CAPN1: variants seen among roughly 807,000 people sequenced by gnomAD.
The protein encoded by CAPN1 is calpain 1.
Under a neutral mutation model 105.2 loss-of-function variants are expected in CAPN1, and 77 were observed. That is an observed-to-expected ratio of 0.73 (90% CI 0.61 to 0.88). The LOEUF is 0.88. CAPN1 is among the 40% of genes least tolerant of loss of function. The pLI, the probability that CAPN1 is intolerant of heterozygous loss-of-function variation, is 0.00. For missense variants in CAPN1, 833 were observed against 976.6 expected, an observed-to-expected ratio of 0.85 and a Z score of 1.96; for synonymous variants, 355 against 388.8, an observed-to-expected ratio of 0.91 and a Z score of 1.02.
At chr11:65,190,310 C>T (rs11606079) in intron 10 of CAPN1, among the ~76,000 whole-genome samples, 58,501 of 152,066 alleles carry the variant, frequency 0.38, 12,329 homozygotes, top group Middle Eastern at 0.49. Context: ...GCTGCTAAAA[C>T]CACCCTCTCA....
At chr11:65,200,388 A>G (rs1215317643) in intron 10 of CAPN1, among the ~76,000 whole-genome samples, 1 of 151,720 alleles carries the variant, frequency 6.6e-6, no homozygotes, top group East Asian at 1.9e-4. Context: ...TCTGTCGCCC[A>G]GGCTGGAGTG....
At chr11:65,205,900 C>T (rs1948949646) in intron 12 of CAPN1, 179 bp downstream of exon 12, 1 of 640,976 alleles carries the variant, frequency 1.6e-6, no homozygotes, top group Non-Finnish European at 2.8e-6. Flanking sequence ...TCCTGAGGGT[C>T]AGCACAGGTA....
chr11:65,191,489 G>A (rs970126530), intron 10 of CAPN1, among the ~76,000 whole-genome samples: 4 of 152,088 alleles, frequency 2.6e-5, no homozygotes, highest in East Asian at 1.9e-4. Context: ...AGTGATTCTC[G>A]TGCCTCAGCT....
chr11:65,183,698 C>T, intron 4 of CAPN1, 106 bp downstream of exon 4: 1 of 739,670 alleles, frequency 1.4e-6, no homozygotes, highest in Non-Finnish European at 2.3e-6. Flanking sequence ...CCAGCCCTCC[C>T]TCTAGCAGGT....
At chr11:65,192,722 C>T (rs1239534878) in intron 10 of CAPN1, among the ~76,000 whole-genome samples, 1 of 151,806 alleles carries the variant, frequency 6.6e-6, no homozygotes, top group Admixed American at 6.6e-5. Flanking sequence ...AATCCTGCCT[C>T]AGCCTCCTGA....
intron 12 of CAPN1, 102 bp from the exon 13 acceptor site, chr11:65,206,361 C>A: frequency 2.3e-6 from 2 of 879,070 alleles, no homozygotes; most frequent in Admixed American, 1.8e-5. Flanking sequence ...GCTCTCCAGC[C>A]CCTTGGCCAG....
chr11:65,185,054 A>G (rs2137314722), intron 4 of CAPN1, among the ~76,000 whole-genome samples: 1 of 152,186 alleles, frequency 6.6e-6, no homozygotes, highest in East Asian at 1.9e-4. Flanking sequence ...TATACATTGT[A>G]CAGGCAAAGG....
In CAPN1 at chr11:65,211,410, C is replaced by T. The variant is rs749039561; in HGVS notation, c.*124C>T. 5.1e-5 allele frequency: 44 copies of T among 861,890 alleles called. No homozygotes were observed. The highest frequency in any genetic ancestry group is 7.4e-5 in the Non-Finnish European group (39 of 529,628). 53.4% of individuals were successfully genotyped at this position (861,890 alleles called of 1,614,324 possible). A position where few individuals can be genotyped will look rare whatever the true frequency, so the allele number is the denominator to read the frequency against. ...CTTCCTTGGAGCAGAGAGGCAGCCTCGTCCTCCTGTCCCCTCTCCTCCCAG... is the reference window on the plus strand; with the variant it reads ...CTTCCTTGGAGCAGAGAGGCAGCCTTGTCCTCCTGTCCCCTCTCCTCCCAG... On this transcript the variant is annotated 3_prime_UTR_variant, in exon 22 of 22. Coordinates refer to ENST00000279247, the MANE Select transcript of CAPN1 (RefSeq NM_005186.4).
Position 65,182,725 on chromosome 11 carries a change from G to A in CAPN1, c.24G>A (p.Pro8=), listed in dbSNP as rs763840544. The A allele has an allele frequency of 1.6e-5, 25 of 1,579,000 alleles. No individual in the cohort carries two copies. Among genetic ancestry groups the A allele is most frequent in the Middle Eastern group, 3.4e-4 (2 of 5,958 alleles). MSEEIIT[P]VYCTGVSAQV... ...GGATGTCGGAGGAGATCATCACGCC[G>A]GTGTACTGCACTGGGGTGTCAGCCC... The change falls in exon 2 of 22, where the codon CCG becomes CCA. Residue 8 remains proline, a synonymous_variant. Coordinates refer to ENST00000279247, the MANE Select transcript of CAPN1 (RefSeq NM_005186.4).
chr11:65,191,420 ATCTG>A (rs1480665789), intron 10 of CAPN1, among the ~76,000 whole-genome samples: 1 of 152,114 alleles, frequency 6.6e-6, no homozygotes, highest in Non-Finnish European at 1.5e-5. Context: ...TTACTGATTC[ATCTG>A]TATGTATTTT....
At chr11:65,182,577 G>A in intron 1 of CAPN1, 124 bp from the exon 2 acceptor site, 2 of 1,052,238 alleles carry the variant, frequency 1.9e-6, no homozygotes, top group Non-Finnish European at 2.6e-6. Flanking sequence ...GGGGAGCAGT[G>A]AGGCAGGGAA....
chr11:65,195,801 A>T (rs1948786023), intron 10 of CAPN1, among the ~76,000 whole-genome samples: 1 of 152,088 alleles, frequency 6.6e-6, no homozygotes, highest in Non-Finnish European at 1.5e-5. Flanking sequence ...GAGTTTGAGG[A>T]TTGGTGTTAA....
Position 65,209,218 on chromosome 11 carries a change from C to A in CAPN1, c.1730-105C>A. 1.2e-6 allele frequency: 1 copy of A among 800,268 alleles called. No homozygotes were observed. The highest frequency in any genetic ancestry group is 2.2e-6 in the Non-Finnish European group (1 of 463,446). The allele number at this position is 800,268 out of a possible 1,614,324, so 49.6% of individuals were successfully genotyped here. On this transcript the variant is annotated intron_variant, in intron 16 of 21. Transcript: ENST00000279247. The surrounding 1 kb of genome is among the most constrained non-coding windows in gnomAD (Gnocchi z 4.1). Reference sequence around the variant, plus strand: ...TCCTCTGCCAGATATTGCACCCACTCGTCAGGATTTGTGCGTCCTTGACTC... The same window carrying A: ...TCCTCTGCCAGATATTGCACCCACTAGTCAGGATTTGTGCGTCCTTGACTC...
chr11:65,208,843 C>T lies in CAPN1; in HGVS notation c.1730-480C>T, dbSNP rs189582479. ...AAGTCTACCTTTCCTCCCAGAGCCT[C>T]CTGGGCCAGGCTGAGTGGCTTGGGG... is the stretch of plus-strand genomic sequence containing the variant. On this transcript the variant is annotated intron_variant, in intron 16 of 21. Transcript: ENST00000279247. This position sits in a 1 kb window ranked among gnomAD's most constrained non-coding sequence, Gnocchi z 4.1. 20 of 224,924 alleles carry T rather than the reference C, an allele frequency of 8.9e-5. No homozygotes were observed. In the East Asian group the frequency reaches 2.0e-3, roughly 22 times the overall value. 13.9% of individuals were successfully genotyped at this position (224,924 alleles called of 1,614,324 possible). A position where few individuals can be genotyped will look rare whatever the true frequency, so the allele number is the denominator to read the frequency against.
intron 10 of CAPN1, among the ~76,000 whole-genome samples, chr11:65,199,994 C>T (rs905626132): frequency 1.3e-5 from 2 of 152,268 alleles, no homozygotes; most frequent in Middle Eastern, 3.4e-3. Flanking sequence ...TAAATTGCTC[C>T]GGGGTGTTTC....
intron 3 of CAPN1, 124 bp downstream of exon 3, chr11:65,183,321 G>A (rs1353730116): frequency 1.0e-5 from 12 of 1,169,056 alleles, no homozygotes; most frequent in South Asian, 1.3e-5. Context: ...TATCAGCGCT[G>A]GGGCTGGTTT....
At chr11:65,204,561 AG>A (rs1352326148) in intron 10 of CAPN1, 121 bp from the exon 11 acceptor site, 2 of 879,158 alleles carry the variant, frequency 2.3e-6, no homozygotes, top group African/African-American at 3.3e-5. Flanking sequence ...TGCATGTTCC[AG>A]GTGCTCAATA....
chr11:65,182,395 G>C, intron 1 of CAPN1: 1 of 354,694 alleles, frequency 2.8e-6, no homozygotes, highest in East Asian at 4.9e-5. Context: ...TCCTTGTGCT[G>C]TCTGGAGGCT....
chr11:65,186,575 G>T (rs1318423890), intron 6 of CAPN1, among the ~76,000 whole-genome samples: 1 of 151,964 alleles, frequency 6.6e-6, no homozygotes, highest in Non-Finnish European at 1.5e-5. Context: ...TCCTGTGCTT[G>T]TTTTCCCGTC....
Sources: allele counts gnomAD v4.1 joint callset (sites outside exome capture counted in the v4.1 genomes callset), GRCh38; gene constraint gnomAD v4.1.1; non-coding constraint Gnocchi (gnomAD v3.1); transcripts MANE v1.5; gene names NCBI Gene and HGNC (gene_info 2026-07-23, HGNC 2026-07-21).